The following ZSWIM6 variants were observed in gnomAD, a reference collection of about 807,000 sequenced individuals.
ZSWIM6 encodes the protein zinc finger SWIM-type containing 6.
A neutral mutation model predicts 113.2 loss-of-function variants in ZSWIM6; 9 were observed. The ratio of observed to expected loss-of-function variants is 0.08; its 90% CI spans 0.05 to 0.14. ZSWIM6 has a LOEUF of 0.14. Ranked by LOEUF, ZSWIM6 falls within the 10% of genes least tolerant of loss-of-function variation. The probability of loss-of-function intolerance (pLI) is 1.00; values close to 1 mark genes in which losing one functional copy is unlikely to be tolerated. For synonymous variants in ZSWIM6, 611 were observed against 606.5 expected (o/e 1.01, Z -0.11); for missense variants, 1,162 against 1,552.2 (o/e 0.75, Z 4.22).
At chr5:61,414,522 G>A (rs578013511) in intron 1 of ZSWIM6, among the ~76,000 whole-genome samples, 1 of 152,190 alleles carries the variant, frequency 6.6e-6, no homozygotes, top group Admixed American at 6.5e-5. Flanking sequence ...TAGGGCAGAG[G>A]AAAAAAGATA....
intron 1 of ZSWIM6, among the ~76,000 whole-genome samples, chr5:61,416,821 G>A (rs1198892705): frequency 2.0e-5 from 3 of 152,190 alleles, no homozygotes; most frequent in South Asian, 4.1e-4. Context: ...TGAATGAGAA[G>A]TATGAACAGA....
chr5:61,358,899 A>G (rs1287025672), intron 1 of ZSWIM6, among the ~76,000 whole-genome samples: 1 of 152,204 alleles, frequency 6.6e-6, no homozygotes. Context: ...TAAGCTGCTA[A>G]CAGGCTAGTG....
At chr5:61,445,990 G>T (rs1401683157) in intron 1 of ZSWIM6, among the ~76,000 whole-genome samples, 1 of 152,198 alleles carries the variant, frequency 6.6e-6, no homozygotes, top group Non-Finnish European at 1.5e-5. Flanking sequence ...GTACTTTAGT[G>T]CTAGTACTAT....
chr5:61,443,394 A>G (rs1746878672), intron 1 of ZSWIM6, among the ~76,000 whole-genome samples: 1 of 152,206 alleles, frequency 6.6e-6, no homozygotes, highest in Non-Finnish European at 1.5e-5. Flanking sequence ...ACACACCTAT[A>G]TAAATATAAC....
intron 1 of ZSWIM6, among the ~76,000 whole-genome samples, chr5:61,405,843 T>C (rs1746033864): frequency 6.6e-6 from 1 of 152,246 alleles, no homozygotes; most frequent in Non-Finnish European, 1.5e-5. Flanking sequence ...GCACCACATC[T>C]TTATTTGGAA....
intron 1 of ZSWIM6, among the ~76,000 whole-genome samples, chr5:61,441,887 C>T (rs1463971811): frequency 6.6e-6 from 1 of 152,176 alleles, no homozygotes; most frequent in East Asian, 1.9e-4. Context: ...CACAGAAAGC[C>T]TATCACTGAG....
chr5:61,408,605 A>G (rs1746087681), intron 1 of ZSWIM6, among the ~76,000 whole-genome samples: 1 of 152,328 alleles, frequency 6.6e-6, no homozygotes, highest in Admixed American at 6.5e-5. Context: ...CAAGTTCTGA[A>G]GTTTGCTTCG....
chr5:61,393,644 A>G (rs149063216), intron 1 of ZSWIM6, among the ~76,000 whole-genome samples: 150 of 152,018 alleles, frequency 9.9e-4, no homozygotes, highest in Admixed American at 6.8e-3. Context: ...ATGCTGAGGC[A>G]GGAGAATCAC....
intron 4 of ZSWIM6, among the ~76,000 whole-genome samples, chr5:61,514,146 A>G (rs929262268): frequency 5.3e-5 from 8 of 152,084 alleles, no homozygotes; most frequent in Admixed American, 2.6e-4. Context: ...GAGACTGCAC[A>G]TGTTTTCTTA....
chr5:61,392,330 G>A (rs1026770035), intron 1 of ZSWIM6, among the ~76,000 whole-genome samples: 42 of 152,144 alleles, frequency 2.8e-4, no homozygotes, highest in African/African-American at 9.9e-4. Context: ...CTGTAAAGTG[G>A]TGTTTGTGAT....
At chr5:61,426,276 ATAAT>A (rs2112130213) in intron 1 of ZSWIM6, among the ~76,000 whole-genome samples, 1 of 152,366 alleles carries the variant, frequency 6.6e-6, no homozygotes, top group South Asian at 2.1e-4. Flanking sequence ...CTATATTAAA[ATAAT>A]TTATTTGATA....
At position 61,544,998 on chromosome 5, in the gene ZSWIM6, A is replaced by C. The variant is rs995546816; in HGVS notation, c.*681A>C. 3 of 152,194 alleles carry C rather than the reference A, an allele frequency of 2.0e-5. No individual in the cohort carries two copies. The highest frequency in any genetic ancestry group is 1.9e-4 in the East Asian group (1 of 5,190). 9.4% of individuals were successfully genotyped at this position (152,194 alleles called of 1,614,324 possible). On this transcript the variant is annotated 3_prime_UTR_variant, in exon 14 of 14. Coordinates refer to ENST00000252744, the MANE Select transcript of ZSWIM6 (RefSeq NM_020928.2). ...TATAGTATATGTCTGAATATTGAAA[A>C]TATAACATTAACTAATTTATAAAAA...
At position 61,543,705 on chromosome 5, in the gene ZSWIM6, G is replaced by A. The variant is rs1308985143; in HGVS notation, c.3036G>A (p.Thr1012=). ...LCEKDHIAFE[T]AYQIVLDAAT... Reference sequence around the variant, plus strand: ...AAAAGGATCACATAGCTTTTGAGACGGCGTACCAAATTGTTCTCGACGCTG... The same window carrying A: ...AAAAGGATCACATAGCTTTTGAGACAGCGTACCAAATTGTTCTCGACGCTG... Residue 1012 remains threonine (T), a synonymous_variant, in exon 14 of 14, where the codon ACG becomes ACA. Coordinates refer to ENST00000252744, the MANE Select transcript of ZSWIM6 (RefSeq NM_020928.2). The surrounding 1 kb of genome is among the most constrained non-coding windows in gnomAD (Gnocchi z 4.3). The A allele has an allele frequency of 1.3e-5, 20 of 1,551,456 alleles. No individual in the cohort carries two copies. The Admixed American group carries it at 1.8e-4, about 14-fold the overall frequency.
intron 2 of ZSWIM6, among the ~76,000 whole-genome samples, chr5:61,484,555 G>A (rs1448765829): frequency 6.6e-6 from 1 of 152,266 alleles, no homozygotes; most frequent in African/African-American, 2.4e-5. Context: ...ATACATTTAT[G>A]TAAAGAATCT....
chr5:61,472,674 C>T lies in ZSWIM6; in HGVS notation c.677-7C>T. On this transcript the variant is annotated splice_region_variant and splice_polypyrimidine_tract_variant and intron_variant, in intron 1 of 13. Transcript: ENST00000252744. The surrounding 1 kb of genome is among the most constrained non-coding windows in gnomAD (Gnocchi z 4.1). ...TAAACCCTCCCTTTCTTTCTTTCAC[C>T]CTCAAGGTTTCCACTTGAGCGGCAC... 6.7e-7 allele frequency: 1 copy of T among 1,500,450 alleles called. No individual in the cohort carries two copies. The highest frequency in any genetic ancestry group is 8.9e-7 in the Non-Finnish European group (1 of 1,117,782). The allele number at this position is 1,500,450 out of a possible 1,614,324, so 92.9% of individuals were successfully genotyped here.
chr5:61,408,272 G>A (rs1746081049), intron 1 of ZSWIM6, among the ~76,000 whole-genome samples: 1 of 152,188 alleles, frequency 6.6e-6, no homozygotes, highest in African/African-American at 2.4e-5. Context: ...AATTTATCAT[G>A]GGATGAGAAC....
chr5:61,509,150 A>G (rs1748707716), intron 4 of ZSWIM6, among the ~76,000 whole-genome samples: 1 of 152,152 alleles, frequency 6.6e-6, no homozygotes. Context: ...GATGTTTGTC[A>G]ATATTATAGG....
intron 1 of ZSWIM6, among the ~76,000 whole-genome samples, chr5:61,381,317 C>T (rs1327133485): frequency 1.3e-5 from 2 of 152,068 alleles, no homozygotes. Flanking sequence ...GCCTGTAGTC[C>T]CTGCTATGTG....
rs1554038978 is a variant in ZSWIM6 at position 61,505,599 on chromosome 5, T to TTTCCTTCC, written c.1333+11190_1333+11191insTCCTTCCT. 1.2e-3 allele frequency among the ~76,000 whole-genome samples: 144 copies of TTTCCTTCC among 119,968 alleles called. 25 individuals are homozygous for TTTCCTTCC. The highest frequency in any genetic ancestry group is 8.2e-3 in the East Asian group (33 of 4,042). 78.7% of individuals were successfully genotyped at this position (119,968 alleles called of 152,430 possible). A position where few individuals can be genotyped will look rare whatever the true frequency, so the allele number is the denominator to read the frequency against. On this transcript the variant is annotated intron_variant, in intron 4 of 13. Coordinates refer to ENST00000252744, the MANE Select transcript of ZSWIM6 (RefSeq NM_020928.2). The stretch of plus-strand genomic sequence containing the variant: ...TTAATTGTTTTGGAATATCTATGAT[T>TTTCCTTCC]TACCTTCCTTCCTTCCTTCCTTCCT...
Sources: allele counts gnomAD v4.1 joint callset (sites outside exome capture counted in the v4.1 genomes callset), GRCh38; gene constraint gnomAD v4.1.1; non-coding constraint Gnocchi (gnomAD v3.1); transcripts MANE v1.5; gene names NCBI Gene and HGNC (gene_info 2026-07-23, HGNC 2026-07-21).